The following INPP4B variants were observed in gnomAD, a reference collection of about 807,000 sequenced individuals.
INPP4B encodes the protein inositol polyphosphate-4-phosphatase type II B.
INPP4B carries 55 observed loss-of-function variants against 122.5 expected under a neutral mutation model. That is an observed-to-expected ratio of 0.45 (90% CI 0.36 to 0.56). The LOEUF (loss-of-function observed/expected upper bound fraction) is 0.56. Among genes scored for constraint, INPP4B ranks in the 20% least tolerant of loss-of-function variants. INPP4B has a pLI of 0.00. For missense variants in INPP4B, 1,000 were observed against 1,097.7 expected (o/e 0.91, Z 1.26); for synonymous variants, 403 against 388.7 (o/e 1.04, Z -0.43).
chr4:142,843,258 G>A (rs1783783154), intron 1 of INPP4B, among the ~76,000 whole-genome samples: 1 of 151,572 alleles, frequency 6.6e-6, no homozygotes, highest in South Asian at 2.1e-4. Flanking sequence ...AAAAATAAAT[G>A]TTTAAACTAA....
chr4:142,698,579 T>C (rs547203460), intron 2 of INPP4B, among the ~76,000 whole-genome samples: 19 of 152,306 alleles, frequency 1.2e-4, no homozygotes, highest in South Asian at 1.0e-3. Flanking sequence ...CCAACAATCT[T>C]TAAGCTGCAT....
intron 3 of INPP4B, among the ~76,000 whole-genome samples, chr4:142,433,732 T>C (rs1809832986): frequency 6.6e-6 from 1 of 152,168 alleles, no homozygotes; most frequent in African/African-American, 2.4e-5. Context: ...CAGTGATAGG[T>C]AAATCAAATA....
intron 23 of INPP4B, among the ~76,000 whole-genome samples, chr4:142,107,889 C>T (rs1000967038): frequency 1.3e-5 from 2 of 152,116 alleles, no homozygotes; most frequent in African/African-American, 2.4e-5. Flanking sequence ...AACAGCAGGA[C>T]ACATTCAAGA....
chr4:142,353,928 T>A (rs1782747221), intron 7 of INPP4B, among the ~76,000 whole-genome samples: 1 of 151,998 alleles, frequency 6.6e-6, no homozygotes, highest in Non-Finnish European at 1.5e-5. Context: ...TATGAGTTTT[T>A]ATCTTCAACA....
intron 15 of INPP4B, among the ~76,000 whole-genome samples, chr4:142,185,762 C>A (rs972146977): frequency 6.6e-6 from 1 of 151,334 alleles, no homozygotes; most frequent in South Asian, 2.1e-4. Flanking sequence ...GCCTGTAGTC[C>A]CAGCTACTCG....
intron 18 of INPP4B, among the ~76,000 whole-genome samples, chr4:142,135,769 GTTTTTTGT>G (rs1189031076): frequency 2.0e-5 from 3 of 151,894 alleles, no homozygotes; most frequent in East Asian, 1.9e-4. Context: ...CTGTCAGGGT[GTTTTTTGT>G]TTGTTTGTTT....
intron 25 of INPP4B, among the ~76,000 whole-genome samples, chr4:142,081,684 T>C (rs1460910640): frequency 2.6e-5 from 4 of 152,080 alleles, no homozygotes; most frequent in Admixed American, 1.3e-4. Flanking sequence ...TCTTACAGTG[T>C]TATATATGAG....
At chr4:142,504,343 C>T (rs1823743180) in intron 2 of INPP4B, among the ~76,000 whole-genome samples, 1 of 151,892 alleles carries the variant, frequency 6.6e-6, no homozygotes, top group Non-Finnish European at 1.5e-5. Context: ...ATTAAAAAAG[C>T]TCTAACACCA....
intron 2 of INPP4B, among the ~76,000 whole-genome samples, chr4:142,498,346 A>G (rs980720886): frequency 1.3e-5 from 2 of 151,962 alleles, no homozygotes; most frequent in African/African-American, 2.4e-5. Flanking sequence ...AATTCCTCTA[A>G]CAGGTAAAAG....
intron 23 of INPP4B, among the ~76,000 whole-genome samples, chr4:142,087,962 G>A (rs572778039): frequency 6.6e-6 from 1 of 152,044 alleles, no homozygotes; most frequent in African/African-American, 2.4e-5. Flanking sequence ...GGGAAGTGAG[G>A]TTCAAAATAG....
chr4:142,528,380 T>G (rs1827194508), intron 2 of INPP4B, among the ~76,000 whole-genome samples: 1 of 152,026 alleles, frequency 6.6e-6, no homozygotes, highest in Non-Finnish European at 1.5e-5. Flanking sequence ...AATCTACTCA[T>G]GTAGTTGTTG....
chr4:142,518,254 G>T (rs1358139202), intron 2 of INPP4B, among the ~76,000 whole-genome samples: 1 of 152,044 alleles, frequency 6.6e-6, no homozygotes, highest in Non-Finnish European at 1.5e-5. Context: ...GCACCATCTT[G>T]ATGTGTGACA....
At chr4:142,414,991 A>C (rs890344876) in intron 5 of INPP4B, among the ~76,000 whole-genome samples, 2 of 152,210 alleles carry the variant, frequency 1.3e-5, no homozygotes, top group Non-Finnish European at 2.9e-5. Flanking sequence ...GAGTCGGTTC[A>C]TGGAAATCTG....
chr4:142,034,956 C>T (rs1266231451), intron 25 of INPP4B, among the ~76,000 whole-genome samples: 2 of 152,110 alleles, frequency 1.3e-5, no homozygotes, highest in Admixed American at 6.5e-5. Flanking sequence ...CACACACACA[C>T]ACATATACCA....
intron 3 of INPP4B, among the ~76,000 whole-genome samples, chr4:142,452,267 A>G (rs1449317524): frequency 6.6e-6 from 1 of 152,196 alleles, no homozygotes. Flanking sequence ...TGATAACTCA[A>G]ATGGTATCAG....
At chr4:142,170,470 T>C (rs185419859) in intron 16 of INPP4B, among the ~76,000 whole-genome samples, 325 of 151,876 alleles carry the variant, frequency 2.1e-3, no homozygotes, top group Non-Finnish European at 3.5e-3. Context: ...AGACACAGTA[T>C]ACTGGTCAGG....
At chr4:142,156,444 T>C (rs181672832) in intron 17 of INPP4B, among the ~76,000 whole-genome samples, 75 of 152,240 alleles carry the variant, frequency 4.9e-4, no homozygotes, top group Admixed American at 1.2e-3. Context: ...TGCAGAGATG[T>C]AGAGAAAGAA....
chr4:142,408,374 G>A (rs867686651), intron 5 of INPP4B, among the ~76,000 whole-genome samples: 89 of 151,840 alleles, frequency 5.9e-4, no homozygotes, highest in Middle Eastern at 3.4e-3. Context: ...CCAACATGAC[G>A]AAACCCCATC....
At chr4:142,280,109 T>C (rs1262578035) in intron 9 of INPP4B, among the ~76,000 whole-genome samples, 2 of 151,858 alleles carry the variant, frequency 1.3e-5, no homozygotes, top group Non-Finnish European at 2.9e-5. Flanking sequence ...GAAACTCTCA[T>C]ACATCTCTGT....
Sources: allele counts gnomAD v4.1 joint callset (sites outside exome capture counted in the v4.1 genomes callset), GRCh38; gene constraint gnomAD v4.1.1; transcripts MANE v1.5; gene names NCBI Gene and HGNC (gene_info 2026-07-23, HGNC 2026-07-21).